DPP6: variants seen among roughly 807,000 people sequenced by gnomAD.
DPP6 encodes dipeptidyl peptidase like 6, also known as A-type potassium channel modulatory protein DPP6.
In DPP6, 69 loss-of-function variants were observed where a neutral mutation model predicts 122.6. The ratio of observed to expected loss-of-function variants is 0.56; its 90% CI spans 0.46 to 0.69. DPP6 has a LOEUF of 0.69. DPP6 is among the 30% of genes least tolerant of loss of function. The pLI, the probability that DPP6 is intolerant of heterozygous loss-of-function variation, is 0.00. For synonymous variants in DPP6, 418 were observed against 433.1 expected (o/e 0.97, Z 0.43); for missense variants, 928 against 1,116.9 (o/e 0.83, Z 2.41).
chr7:154,246,223 G>A (rs1490531419), intron 1 of DPP6, among the ~76,000 whole-genome samples: 1 of 152,088 alleles, frequency 6.6e-6, no homozygotes, highest in Non-Finnish European at 1.5e-5. Context: ...ATATGTCAAG[G>A]CTTTCTGGAT....
chr7:154,336,745 G>T (rs1399906899), intron 1 of DPP6, among the ~76,000 whole-genome samples: 4 of 152,196 alleles, frequency 2.6e-5, no homozygotes, highest in African/African-American at 7.2e-5. Flanking sequence ...CAACTGGAAG[G>T]GAGTTGGGCG....
At chr7:154,134,390 T>C (rs1009579036) in intron 1 of DPP6, among the ~76,000 whole-genome samples, 2 of 151,942 alleles carry the variant, frequency 1.3e-5, no homozygotes, top group Admixed American at 6.5e-5. Flanking sequence ...GGTGTGGAGT[T>C]GGGAGAGCAG....
intron 1 of DPP6, among the ~76,000 whole-genome samples, chr7:154,003,765 A>G (rs928303711): frequency 6.6e-6 from 1 of 151,990 alleles, no homozygotes; most frequent in Non-Finnish European, 1.5e-5. Flanking sequence ...TGCTCCATGC[A>G]TCTCTCCTTC....
At chr7:154,720,608 A>T (rs1156846651) in intron 7 of DPP6, among the ~76,000 whole-genome samples, 1 of 152,180 alleles carries the variant, frequency 6.6e-6, no homozygotes, top group Non-Finnish European at 1.5e-5. Context: ...CGGCTGCAGC[A>T]TGGCAGGGGT....
At chr7:154,828,042 C>T (rs932978398) in intron 16 of DPP6, among the ~76,000 whole-genome samples, 3 of 152,088 alleles carry the variant, frequency 2.0e-5, no homozygotes, top group Non-Finnish European at 4.4e-5. Flanking sequence ...CTAAACGCAG[C>T]GCTGAACTTT....
At chr7:154,315,520 C>A (rs916688479) in intron 1 of DPP6, among the ~76,000 whole-genome samples, 2 of 151,990 alleles carry the variant, frequency 1.3e-5, no homozygotes, top group African/African-American at 4.8e-5. Context: ...TCTGTGGTCA[C>A]CATGGTCCCC....
intron 22 of DPP6, among the ~76,000 whole-genome samples, chr7:154,887,244 C>T (rs1465549913): frequency 6.6e-6 from 1 of 152,200 alleles, no homozygotes; most frequent in Admixed American, 6.5e-5. Flanking sequence ...ACCCAGCTGA[C>T]CGCAGGGCCT....
At chr7:154,211,224 C>A (rs556460803) in intron 1 of DPP6, among the ~76,000 whole-genome samples, 7 of 152,264 alleles carry the variant, frequency 4.6e-5, no homozygotes, top group Non-Finnish European at 8.8e-5. Context: ...CCAGATGTGG[C>A]CAATGTGGGA....
chr7:154,298,932 G>A (rs534918374), intron 1 of DPP6, among the ~76,000 whole-genome samples: 117 of 152,242 alleles, frequency 7.7e-4, no homozygotes, highest in African/African-American at 2.5e-3. Flanking sequence ...CGAGACCCTC[G>A]GCCTCCCTGC....
At chr7:154,454,018 A>G (rs1468112551) in intron 2 of DPP6, among the ~76,000 whole-genome samples, 1 of 152,088 alleles carries the variant, frequency 6.6e-6, no homozygotes. Flanking sequence ...TTTGTCTTGT[A>G]GAAATAGATG....
At chr7:154,844,428 T>C (rs1333184804) in intron 16 of DPP6, among the ~76,000 whole-genome samples, 3 of 152,266 alleles carry the variant, frequency 2.0e-5, no homozygotes, top group Non-Finnish European at 4.4e-5. Context: ...AATGCTAACA[T>C]GGGTCTAGTC....
At chr7:154,249,097 C>G (rs75884388) in intron 1 of DPP6, among the ~76,000 whole-genome samples, 1,537 of 152,252 alleles carry the variant, frequency 0.01, 24 homozygotes, top group African/African-American at 0.035. Flanking sequence ...GTTGAAAACT[C>G]ACGGTGGGGC....
At chr7:154,100,214 TTTTA>T (rs1216812173) in intron 1 of DPP6, among the ~76,000 whole-genome samples, 1 of 105,604 alleles carries the variant, frequency 9.5e-6, no homozygotes, top group Non-Finnish European at 1.9e-5. Flanking sequence ...TATTTATTTA[TTTTA>T]TTTTTTACCA....
At chr7:153,955,103 A>G (rs10229774) in intron 1 of DPP6, among the ~76,000 whole-genome samples, 66,150 of 152,010 alleles carry the variant, frequency 0.44, 14,619 homozygotes, top group Admixed American at 0.52. Context: ...CTGAATTTTA[A>G]CAGGGCATCA....
At chr7:154,612,060 C>T (rs770944320) in intron 5 of DPP6, among the ~76,000 whole-genome samples, 12 of 152,154 alleles carry the variant, frequency 7.9e-5, no homozygotes, top group Admixed American at 3.3e-4. Flanking sequence ...ATACTGATTA[C>T]AAAAACAGCT....
chr7:154,879,215 G>A, intron 20 of DPP6, among the ~76,000 whole-genome samples: 1 of 152,172 alleles, frequency 6.6e-6, no homozygotes, highest in African/African-American at 2.4e-5. Context: ...GGCCCAGGTG[G>A]GCGGATCACC....
intron 1 of DPP6, among the ~76,000 whole-genome samples, chr7:154,171,251 G>A (rs1797520938): frequency 6.6e-6 from 1 of 152,190 alleles, no homozygotes; most frequent in African/African-American, 2.4e-5. Flanking sequence ...CAAGGCCACT[G>A]CCAAATATAC....
chr7:154,402,281 A>G (rs1021105200), intron 1 of DPP6, among the ~76,000 whole-genome samples: 25 of 152,184 alleles, frequency 1.6e-4, no homozygotes, highest in Admixed American at 1.2e-3. Flanking sequence ...TCATGCTGCT[A>G]TAAAGACACA....
chr7:154,527,789 G>A (rs1270340422), intron 3 of DPP6, among the ~76,000 whole-genome samples: 2 of 152,162 alleles, frequency 1.3e-5, no homozygotes, highest in Non-Finnish European at 2.9e-5. Context: ...TGAATCTACA[G>A]TACCATAAGA....
Sources: gnomAD v4.1 joint callset for allele counts (sites outside exome capture counted in the v4.1 genomes callset) on GRCh38, gnomAD v4.1.1 for gene constraint, MANE v1.5 for transcripts, NCBI Gene and HGNC (gene_info 2026-07-23, HGNC 2026-07-21) for gene names.